Variants in STPG2 observed in about 807,000 individuals in gnomAD.
STPG2 encodes sperm-tail PG-rich repeat-containing protein 2.
STPG2 carries 56 observed loss-of-function variants against 54.2 expected under a neutral mutation model. The ratio of observed to expected loss-of-function variants is 1.03; its 90% CI spans 0.83 to 1.29. The LOEUF is 1.29. STPG2 is among the 50% of genes most tolerant of loss of function. The pLI is 0.00. For synonymous variants in STPG2, 200 were observed against 181.8 expected, an observed-to-expected ratio of 1.10 and a Z score of -0.81; for missense variants, 596 against 544.9, an observed-to-expected ratio of 1.09 and a Z score of -0.93.
At chr4:97,832,582 G>T (rs925588374) in intron 9 of STPG2, among the ~76,000 whole-genome samples, 1 of 152,172 alleles carries the variant, frequency 6.6e-6, no homozygotes, top group Non-Finnish European at 1.5e-5. Context: ...AATTGTCTCT[G>T]TTTGCAGATG....
chr4:97,739,463 C>T (rs1437232832), intron 9 of STPG2, among the ~76,000 whole-genome samples: 1 of 152,048 alleles, frequency 6.6e-6, no homozygotes. Flanking sequence ...TGATAGATTG[C>T]TAGCAAGACT....
At chr4:97,461,463 T>C (rs1729661442) in intron 4 of STPG2, among the ~76,000 whole-genome samples, 1 of 152,192 alleles carries the variant, frequency 6.6e-6, no homozygotes. Flanking sequence ...TGCCCTTCTA[T>C]GAAGAGGCCA....
intron 4 of STPG2, among the ~76,000 whole-genome samples, chr4:97,487,596 TAAAATC>T (rs556059005): frequency 1.3e-4 from 20 of 151,674 alleles, no homozygotes; most frequent in Non-Finnish European, 2.8e-4. Context: ...CATGGTTTCT[TAAAATC>T]AGAATATTTT....
At chr4:97,736,505 C>A (rs976445499) in intron 9 of STPG2, among the ~76,000 whole-genome samples, 1 of 152,146 alleles carries the variant, frequency 6.6e-6, no homozygotes, top group African/African-American at 2.4e-5. Context: ...CACTCCCACC[C>A]CATTACTGCG....
chr4:97,623,732 A>G (rs1240272468), intron 10 of STPG2, among the ~76,000 whole-genome samples: 1 of 152,112 alleles, frequency 6.6e-6, no homozygotes, highest in African/African-American at 2.4e-5. Flanking sequence ...TTATCAACCT[A>G]TCGCCTAGGT....
chr4:98,062,068 T>C (rs1397955675), intron 5 of STPG2, among the ~76,000 whole-genome samples: 1 of 152,114 alleles, frequency 6.6e-6, no homozygotes, highest in Non-Finnish European at 1.5e-5. Flanking sequence ...AATGACAGAT[T>C]GGTTAAAGAA....
intron 9 of STPG2, among the ~76,000 whole-genome samples, chr4:97,744,351 G>C (rs1028982723): frequency 6.6e-6 from 1 of 151,120 alleles, no homozygotes; most frequent in Non-Finnish European, 1.5e-5. Context: ...ATGTCAAATG[G>C]CTTTTTAATT....
intron 4 of STPG2, among the ~76,000 whole-genome samples, chr4:97,524,160 A>G (rs1033409616): frequency 6.6e-6 from 1 of 151,980 alleles, no homozygotes; most frequent in South Asian, 2.1e-4. Context: ...CTATCTTACA[A>G]TATAAAAGCC....
intron 10 of STPG2, among the ~76,000 whole-genome samples, chr4:97,608,363 T>G (rs1161624859): frequency 6.6e-6 from 1 of 151,972 alleles, no homozygotes; most frequent in Non-Finnish European, 1.5e-5. Context: ...CATCACATTG[T>G]AATGCTCAGA....
intron 7 of STPG2, among the ~76,000 whole-genome samples, chr4:97,953,071 T>C (rs1192644695): frequency 3.3e-5 from 5 of 152,148 alleles, no homozygotes; most frequent in African/African-American, 1.2e-4. Flanking sequence ...CTGTCCTTTG[T>C]GTTAAGCTAT....
intron 1 of STPG2, among the ~76,000 whole-genome samples, chr4:98,135,802 G>T (rs1740119269): frequency 6.6e-6 from 1 of 151,834 alleles, no homozygotes. Context: ...ACAGTTGTCT[G>T]GTAGAGCTGA....
rs202103504 is a variant in STPG2, at chr4:97,840,757, G to A, written c.1204+16C>T. 6.6e-4 allele frequency: 1,040 copies of A among 1,587,620 alleles called. 1 individual carries two copies. The highest frequency in any genetic ancestry group is 8.2e-4 in the Admixed American group (44 of 53,610). On this transcript the variant is annotated intron_variant, in intron 9 of 10. Coordinates refer to ENST00000295268, the MANE Select transcript of STPG2 (RefSeq NM_174952.3). Reference sequence around the variant, plus strand: ...AATTTTTTTCCTCATAGCTTTATAAGGACTTCTAGACTTACCTGGCCCATC... The same window carrying A: ...AATTTTTTTCCTCATAGCTTTATAAAGACTTCTAGACTTACCTGGCCCATC...
chr4:97,598,851 C>T (rs1733376917), intron 10 of STPG2, among the ~76,000 whole-genome samples: 1 of 152,046 alleles, frequency 6.6e-6, no homozygotes, highest in South Asian at 2.1e-4. Flanking sequence ...CCATTCTGGA[C>T]ATGGAACCTG....
chr4:97,462,527 T>C (rs1238630079), intron 4 of STPG2, among the ~76,000 whole-genome samples: 1 of 152,100 alleles, frequency 6.6e-6, no homozygotes, highest in East Asian at 1.9e-4. Flanking sequence ...AAATATTGAA[T>C]GTATAATCAT....
intron 4 of STPG2, among the ~76,000 whole-genome samples, chr4:97,502,025 GCAAATATAGGAA>G (rs1405431786): frequency 6.6e-6 from 1 of 151,760 alleles, no homozygotes; most frequent in Non-Finnish European, 1.5e-5. Context: ...AAGATTCAAA[GCAAATATAGGAA>G]ATTCAGAGAA....
At position 97,491,634 on chromosome 4, in the gene STPG2, T is replaced by C. The variant is rs1036812728; in HGVS notation, c.462+221065A>G. Among the ~76,000 whole-genome samples the C allele has an allele frequency of 5.3e-5, 8 of 151,644 alleles. No homozygotes were observed. The East Asian group carries it at 5.9e-4, about 11-fold the overall frequency. ...TGCTTAGCATGAAAGCAAGAGTACA[T>C]GCAAAGGCACAGAGACTTAAGAAGG... On this transcript the variant is annotated intron_variant, in intron 4 of 4. Transcript: ENST00000522676.
chr4:97,854,533 C>CT (rs1236064406), intron 8 of STPG2, among the ~76,000 whole-genome samples: 1 of 148,798 alleles, frequency 6.7e-6, no homozygotes, highest in African/African-American at 2.5e-5. Flanking sequence ...TTATTTAGTT[C>CT]TTTTTTTACA....
intron 9 of STPG2, among the ~76,000 whole-genome samples, chr4:97,715,248 T>C (rs903088389): frequency 6.6e-5 from 10 of 152,342 alleles, no homozygotes; most frequent in Non-Finnish European, 1.2e-4. Context: ...AGCTAGATTA[T>C]GCAGAAACTA....
At chr4:97,634,818 C>G (rs1441438627) in intron 10 of STPG2, among the ~76,000 whole-genome samples, 1 of 151,164 alleles carries the variant, frequency 6.6e-6, no homozygotes, top group South Asian at 2.1e-4. Context: ...TGAGCAAAGC[C>G]TCCAAGAAAT....
Sources: allele counts gnomAD v4.1 joint callset (sites outside exome capture counted in the v4.1 genomes callset), GRCh38; gene constraint gnomAD v4.1.1; transcripts MANE v1.5; gene names NCBI Gene and HGNC (gene_info 2026-07-23, HGNC 2026-07-21).